MAN1C1: variants seen among roughly 807,000 people sequenced by gnomAD.
The protein encoded by MAN1C1 is mannosyl-oligosaccharide 1,2-alpha-mannosidase IC.
A neutral mutation model predicts 71.5 loss-of-function variants in MAN1C1; 49 were observed. The observed-to-expected ratio is 0.69, with a 90% CI of 0.54 to 0.87. The LOEUF (loss-of-function observed/expected upper bound fraction) is 0.87, where lower values mean the gene tolerates loss of function less well. Ranked by LOEUF, MAN1C1 falls within the 40% of genes least tolerant of loss-of-function variation. MAN1C1 has a pLI of 0.00. For synonymous variants in MAN1C1, 352 were observed against 343.7 expected (o/e 1.02, Z -0.27); for missense variants, 743 against 835.0 (o/e 0.89, Z 1.36).
chr1:25,778,451 T>C lies in MAN1C1; in HGVS notation c.1477+127T>C, dbSNP rs1365373328. ...GGGAAGCCTCCCCTTGGAAGTTAAGTAGAATTTGAGAGAGGTACTCTCCAG... is the reference window on the plus strand; with the variant it reads ...GGGAAGCCTCCCCTTGGAAGTTAAGCAGAATTTGAGAGAGGTACTCTCCAG... On this transcript the variant is annotated intron_variant, in intron 9 of 11. Transcript: ENST00000374332. The surrounding 1 kb of genome is among the most constrained non-coding windows in gnomAD (Gnocchi z 5.5). 1.1e-6 allele frequency: 1 copy of C among 937,868 alleles called. No individual in the cohort carries two copies. Among genetic ancestry groups the C allele is most frequent in the South Asian group, 1.8e-5 (1 of 55,924 alleles). 58.1% of individuals were successfully genotyped at this position (937,868 alleles called of 1,614,324 possible).
chr1:25,699,206 A>G (rs901445231), intron 2 of MAN1C1, among the ~76,000 whole-genome samples: 2 of 151,988 alleles, frequency 1.3e-5, no homozygotes, highest in African/African-American at 4.8e-5. Context: ...AGGCTGAGGC[A>G]GGAGAATCGC....
rs1278759894 is a variant in MAN1C1 at position 25,753,099 on chromosome 1, G to C, written c.835-385G>C. ...TGCCAGGTCTTCATCTGGACTTGGAGGTGCCCCCCACCCCCCGCACCTCAC... is the reference window on the plus strand; with the variant it reads ...TGCCAGGTCTTCATCTGGACTTGGACGTGCCCCCCACCCCCCGCACCTCAC... On this transcript the variant is annotated intron_variant, in intron 4 of 11. Coordinates refer to ENST00000374332, the MANE Select transcript of MAN1C1 (RefSeq NM_020379.4). The surrounding 1 kb of genome is among the most constrained non-coding windows in gnomAD (Gnocchi z 4.9). Among the ~76,000 whole-genome samples the C allele has an allele frequency of 3.3e-5, 5 of 152,156 alleles. No homozygotes were observed. Among genetic ancestry groups the C allele is most frequent in the Non-Finnish European group, 7.3e-5 (5 of 68,034 alleles).
At chr1:25,758,993 G>A in intron 6 of MAN1C1, 1 of 374,292 alleles carries the variant, frequency 2.7e-6, no homozygotes, top group East Asian at 4.6e-5. Flanking sequence ...TGAGCTCAGT[G>A]GCAACCACCC....
At chr1:25,621,840 G>T (rs1453145967) in intron 1 of MAN1C1, among the ~76,000 whole-genome samples, 1 of 151,934 alleles carries the variant, frequency 6.6e-6, no homozygotes, top group Non-Finnish European at 1.5e-5. Flanking sequence ...TGTTGGCCAG[G>T]CTGGTCTCGA....
intron 2 of MAN1C1, among the ~76,000 whole-genome samples, chr1:25,710,828 G>C (rs1298473597): frequency 6.6e-6 from 1 of 152,216 alleles, no homozygotes; most frequent in Admixed American, 6.5e-5. Context: ...AAAGGTCAAG[G>C]TTGAGTATAG....
rs574160664 is a variant in MAN1C1 at position 25,697,945 on chromosome 1, C to T, written c.637+11409C>T. On this transcript the variant is annotated intron_variant, in intron 2 of 11. Transcript: ENST00000374332. ...TGCTGAATGCTGCCTCTCTCATCAT[C>T]AAACCCCACAATGTTCAAAGCCCCA... is the stretch of plus-strand genomic sequence containing the variant. Among the ~76,000 whole-genome samples the T allele has an allele frequency of 2.6e-5, 4 of 152,316 alleles. No homozygotes were observed. In the South Asian group the frequency reaches 8.3e-4, roughly 32 times the overall value.
Position 25,618,086 on chromosome 1 carries a change from A to G in MAN1C1, c.289A>G (p.Ser97Gly), listed in dbSNP as rs2045136728. The G allele has an allele frequency of 2.6e-6, 4 of 1,525,694 alleles. No individual in the cohort carries two copies. The African/African-American group carries it at 4.2e-5, about 16-fold the overall frequency. The allele number at this position is 1,525,694 out of a possible 1,614,324, so 94.5% of individuals were successfully genotyped here. The stretch of plus-strand genomic sequence containing the variant: ...GCCGGCCCCGGGCGAGGATGACCCC[A>G]GCAGCTGGGCCAGTCCCCGCCGCAG... ...AAPAPGEDDP[S>G]SWASPRRRKG... The change falls in exon 1 of 12, where the codon AGC becomes GGC. Residue 97 changes from serine to glycine, a missense_variant. By Grantham distance (56) the Ser-to-Gly change is moderately conservative (BLOSUM62 0). Coordinates refer to ENST00000374332, the MANE Select transcript of MAN1C1 (RefSeq NM_020379.4).
intron 8 of MAN1C1, among the ~76,000 whole-genome samples, chr1:25,774,789 A>G (rs2047597785): frequency 1.3e-5 from 2 of 151,640 alleles, no homozygotes; most frequent in African/African-American, 2.4e-5. Flanking sequence ...GCCCTGCTCC[A>G]CAAGGAACAG....
At position 25,730,903 on chromosome 1, in the gene MAN1C1, C is replaced by T. The variant is rs368680314; in HGVS notation, c.638-15765C>T. On this transcript the variant is annotated intron_variant, in intron 2 of 11. Coordinates refer to ENST00000374332, the MANE Select transcript of MAN1C1 (RefSeq NM_020379.4). This position sits in a 1 kb window ranked among gnomAD's most constrained non-coding sequence, Gnocchi z 4.3. ...CTAGTACCTTGGACAGATGCAGACTCGCTGCTGGCTCAGAGAGGTTAAGTC... is the reference window on the plus strand; with the variant it reads ...CTAGTACCTTGGACAGATGCAGACTTGCTGCTGGCTCAGAGAGGTTAAGTC... 2.6e-5 allele frequency among the ~76,000 whole-genome samples: 4 copies of T among 152,222 alleles called. No homozygotes were observed. The highest frequency in any genetic ancestry group is 4.8e-5 in the African/African-American group (2 of 41,442).
chr1:25,664,607 A>C (rs996168070), intron 1 of MAN1C1, among the ~76,000 whole-genome samples: 1 of 152,234 alleles, frequency 6.6e-6, no homozygotes, highest in Non-Finnish European at 1.5e-5. Context: ...AGTTGAGTTT[A>C]CAGTGCATCT....
At chr1:25,761,848 C>T (rs977514585) in intron 6 of MAN1C1, among the ~76,000 whole-genome samples, 1 of 152,032 alleles carries the variant, frequency 6.6e-6, no homozygotes, top group Non-Finnish European at 1.5e-5. Flanking sequence ...GTCTCGAACT[C>T]CTGACCTCAG....
At chr1:25,719,276 T>TG (rs1237703984) in intron 2 of MAN1C1, among the ~76,000 whole-genome samples, 2 of 150,172 alleles carry the variant, frequency 1.3e-5, no homozygotes, top group East Asian at 3.9e-4. Context: ...CTTCGCCATG[T>TG]TGGCCAGGCT....
In MAN1C1 at chr1:25,623,847, C is replaced by T. The variant is rs1374358448; in HGVS notation, c.540+5510C>T. 2.0e-5 allele frequency among the ~76,000 whole-genome samples: 3 copies of T among 152,098 alleles called. No individual in the cohort carries two copies. In the East Asian group the frequency reaches 5.8e-4, roughly 29 times the overall value. On this transcript the variant is annotated intron_variant, in intron 1 of 11. Transcript: ENST00000374332. The stretch of plus-strand genomic sequence containing the variant: ...AGTGGCAAAATTGGGAAGGATTTCC[C>T]AAGGGAATGATGGACGTAGGCTAGT...
intron 2 of MAN1C1, among the ~76,000 whole-genome samples, chr1:25,693,630 C>T (rs114937678): frequency 2.5e-4 from 38 of 152,084 alleles, no homozygotes; most frequent in African/African-American, 8.4e-4. Flanking sequence ...GACTCCATCT[C>T]GGAAAAAAAG....
rs539953438 is a variant in MAN1C1 at position 25,730,247 on chromosome 1, C to T, written c.638-16421C>T. On this transcript the variant is annotated intron_variant, in intron 2 of 11. Transcript: ENST00000374332. The surrounding 1 kb of genome is among the most constrained non-coding windows in gnomAD (Gnocchi z 4.3). ...CTTCCCTGTCAGTTTTTGACAGTTA[C>T]CCTGAAACCGTTTTAAAATGATCTC... Among the ~76,000 whole-genome samples, 4 of 152,184 alleles carry T rather than the reference C, an allele frequency of 2.6e-5. No homozygotes were observed. The highest frequency in any genetic ancestry group is 5.9e-5 in the Non-Finnish European group (4 of 68,044).
At chr1:25,750,602 A>G (rs768158042) in intron 4 of MAN1C1, among the ~76,000 whole-genome samples, 9 of 152,198 alleles carry the variant, frequency 5.9e-5, no homozygotes, top group Non-Finnish European at 1.0e-4. Context: ...TTTCGAAGCA[A>G]CAGGCGGGCA....
At chr1:25,747,995 AG>A (rs2047160481) in intron 3 of MAN1C1, among the ~76,000 whole-genome samples, 1 of 152,126 alleles carries the variant, frequency 6.6e-6, no homozygotes, top group Admixed American at 6.5e-5. Flanking sequence ...TGTGAGGCCA[AG>A]GAAGCTGAGA....
At chr1:25,756,112 T>A (rs1456804332) in intron 5 of MAN1C1, among the ~76,000 whole-genome samples, 1 of 152,196 alleles carries the variant, frequency 6.6e-6, no homozygotes, top group African/African-American at 2.4e-5. Context: ...CTGGCACAGA[T>A]CAGAAACTTA....
intron 6 of MAN1C1, 121 bp downstream of exon 6, chr1:25,758,830 G>T: frequency 1.2e-6 from 1 of 868,440 alleles, no homozygotes; most frequent in South Asian, 1.4e-5. Context: ...TGGGGAGCCC[G>T]GGAGCCCAAG....
Sources: allele counts gnomAD v4.1 joint callset (sites outside exome capture counted in the v4.1 genomes callset), GRCh38; gene constraint gnomAD v4.1.1; non-coding constraint Gnocchi (gnomAD v3.1); transcripts MANE v1.5; gene names NCBI Gene and HGNC (gene_info 2026-07-23, HGNC 2026-07-21).